RNF150: variants seen among roughly 807,000 people sequenced by gnomAD.
RNF150 encodes ring finger protein 150.
Under a neutral mutation model 39.3 loss-of-function variants are expected in RNF150, and 24 were observed. The observed-to-expected ratio is 0.61, with a 90% CI of 0.44 to 0.86. RNF150 has a LOEUF of 0.86. Ranked by LOEUF, RNF150 falls within the 40% of genes least tolerant of loss-of-function variation. RNF150 has a pLI of 0.00. For missense variants in RNF150, 502 were observed against 587.8 expected (o/e 0.85, Z 1.51); for synonymous variants, 255 against 227.3 (o/e 1.12, Z -1.10).
rs558531743 is a variant in RNF150 at position 140,862,398 on chromosome 4, C to A, written c.*5863G>T. 6.6e-6 allele frequency: 1 copy of A among 152,318 alleles called. No individual in the cohort carries two copies. Among genetic ancestry groups the A allele is most frequent in the Non-Finnish European group, 1.5e-5 (1 of 68,036 alleles). The allele number at this position is 152,318 out of a possible 1,614,324, so 9.4% of individuals were successfully genotyped here. On this transcript the variant is annotated 3_prime_UTR_variant, in exon 7 of 7. Coordinates refer to ENST00000515673, the MANE Select transcript of RNF150 (RefSeq NM_020724.2). ...AAAAGCCACGTGATTATGAAGCACT[C>A]AAGGCAGGTGAAGAGAGATGTGACT... is the stretch of plus-strand genomic sequence containing the variant.
At chr4:140,943,521 C>T (rs1448462321) in intron 4 of RNF150, among the ~76,000 whole-genome samples, 1 of 152,054 alleles carries the variant, frequency 6.6e-6, no homozygotes, top group Non-Finnish European at 1.5e-5. Context: ...TACTTTTTTT[C>T]TGTGGAATCT....
intron 1 of RNF150, among the ~76,000 whole-genome samples, chr4:141,023,825 T>A (rs1735592432): frequency 6.6e-6 from 1 of 152,196 alleles, no homozygotes; most frequent in African/African-American, 2.4e-5. Context: ...ATTTGTTTAC[T>A]CTCTTCTCTC....
At chr4:140,926,630 C>A (rs1443475864) in intron 4 of RNF150, among the ~76,000 whole-genome samples, 2 of 152,176 alleles carry the variant, frequency 1.3e-5, no homozygotes, top group Non-Finnish European at 2.9e-5. Flanking sequence ...TGGGGTTTCA[C>A]GTAGGTAGCC....
chr4:141,165,785 G>A (rs9760203), intron 1 of RNF150, among the ~76,000 whole-genome samples: 150,317 of 152,296 alleles, frequency 0.99, 74,215 homozygotes, highest in East Asian at 1. Flanking sequence ...AATCTCGGGG[G>A]CACAACTAAA....
chr4:140,905,225 CATATAT>C (rs924504024), intron 6 of RNF150, among the ~76,000 whole-genome samples: 2 of 151,758 alleles, frequency 1.3e-5, no homozygotes, highest in African/African-American at 2.4e-5. Context: ...CATATATATA[CATATAT>C]ATTTTTTTTT....
chr4:140,925,599 C>T (rs72722364), intron 5 of RNF150, among the ~76,000 whole-genome samples: 2 of 151,590 alleles, frequency 1.3e-5, no homozygotes, highest in East Asian at 1.9e-4. Context: ...GTGTGGCTTA[C>T]GGATCTTCCT....
At chr4:140,987,065 G>C (rs1431195662) in intron 1 of RNF150, among the ~76,000 whole-genome samples, 1 of 152,004 alleles carries the variant, frequency 6.6e-6, no homozygotes, top group Non-Finnish European at 1.5e-5. Flanking sequence ...TCTGATAAAG[G>C]AGGTGAAAGA....
chr4:141,110,610 G>A (rs1739356872), intron 1 of RNF150, among the ~76,000 whole-genome samples: 1 of 140,454 alleles, frequency 7.1e-6, no homozygotes, highest in Non-Finnish European at 1.5e-5. Context: ...AAGGGGTCTT[G>A]CTATGTTGAC....
Position 140,868,078 on chromosome 4 carries a change from T to C in RNF150, c.*183A>G. 1.8e-6 allele frequency: 1 copy of C among 547,168 alleles called. No homozygotes were observed. Among genetic ancestry groups the C allele is most frequent in the East Asian group, 3.0e-5 (1 of 33,190 alleles). The allele number at this position is 547,168 out of a possible 1,614,324, so 33.9% of individuals were successfully genotyped here. A position where few individuals can be genotyped will look rare whatever the true frequency, so the allele number is the denominator to read the frequency against. ...CCAAGGCCACAGACTGCCATACCGA[T>C]GGAGAAACTGCATCCTGATTGACAA... On this transcript the variant is annotated 3_prime_UTR_variant, in exon 7 of 7. Transcript: ENST00000515673.
Position 141,000,053 on chromosome 4 carries a change from G to C in RNF150, c.485-32180C>G, listed in dbSNP as rs1560679298. On this transcript the variant is annotated intron_variant, in intron 1 of 6. Transcript: ENST00000515673. ...AGAAGAAGAAGAAGAAGAAGAAGAA[G>C]AAGAAGAAGAAGAAGAAGAAGAAGA... Among the ~76,000 whole-genome samples the C allele has an allele frequency of 2.0e-5, 2 of 98,486 alleles. 1 individual carries two copies. The highest frequency in any genetic ancestry group is 7.5e-5 in the African/African-American group (2 of 26,506). The allele number at this position is 98,486 out of a possible 152,430, so 64.6% of individuals were successfully genotyped here.
chr4:140,905,625 T>G (rs558150963), intron 6 of RNF150, among the ~76,000 whole-genome samples: 1 of 152,158 alleles, frequency 6.6e-6, no homozygotes, highest in South Asian at 2.1e-4. Flanking sequence ...GCTCCTCTAG[T>G]GAAAGGGGTG....
chr4:141,026,637 A>G (rs1735707967), intron 1 of RNF150, among the ~76,000 whole-genome samples: 1 of 152,214 alleles, frequency 6.6e-6, no homozygotes, highest in Non-Finnish European at 1.5e-5. Context: ...CAACACACAT[A>G]TACTCCCAGG....
At chr4:141,030,855 C>T (rs1044080850) in intron 1 of RNF150, among the ~76,000 whole-genome samples, 3 of 151,904 alleles carry the variant, frequency 2.0e-5, no homozygotes, top group African/African-American at 7.2e-5. Context: ...TTCTGTTTTG[C>T]AAGATAAAAA....
At chr4:141,025,531 GA>G (rs1022109609) in intron 1 of RNF150, among the ~76,000 whole-genome samples, 3 of 151,236 alleles carry the variant, frequency 2.0e-5, no homozygotes, top group South Asian at 2.1e-4. Flanking sequence ...GGTGAAAGCT[GA>G]AAAAAAATGA....
intron 1 of RNF150, among the ~76,000 whole-genome samples, chr4:140,976,270 T>A (rs1733661514): frequency 6.6e-6 from 1 of 152,120 alleles, no homozygotes; most frequent in South Asian, 2.1e-4. Flanking sequence ...CAAAAGCCAC[T>A]CATCTTTTGA....
chr4:141,193,388 T>C (rs1218921229), intron 1 of RNF150, among the ~76,000 whole-genome samples: 1 of 152,230 alleles, frequency 6.6e-6, no homozygotes, highest in Non-Finnish European at 1.5e-5. Context: ...TCCATGTCAT[T>C]CCAGTCTCTC....
chr4:140,957,281 C>T (rs556309328), intron 2 of RNF150, among the ~76,000 whole-genome samples: 18 of 152,116 alleles, frequency 1.2e-4, no homozygotes, highest in Admixed American at 5.2e-4. Flanking sequence ...ATTTATGCAG[C>T]CAAAAAACAC....
chr4:140,959,848 A>G (rs898466941), intron 2 of RNF150, among the ~76,000 whole-genome samples: 4 of 152,028 alleles, frequency 2.6e-5, no homozygotes, highest in African/African-American at 7.2e-5. Context: ...ATTGCGGGAG[A>G]GAGGCTGGGG....
chr4:140,887,623 T>G (rs1203537665), intron 6 of RNF150, among the ~76,000 whole-genome samples: 1 of 152,178 alleles, frequency 6.6e-6, no homozygotes. Flanking sequence ...TTATCCCTAC[T>G]GCTTGTACAA....
Sources: allele counts gnomAD v4.1 joint callset (sites outside exome capture counted in the v4.1 genomes callset), GRCh38; gene constraint gnomAD v4.1.1; transcripts MANE v1.5; gene names NCBI Gene and HGNC (gene_info 2026-07-23, HGNC 2026-07-21).